Variants in CYFIP2 observed in about 807,000 individuals in gnomAD.
CYFIP2 encodes cytoplasmic FMR1-interacting protein 2.
Under a neutral mutation model 158.7 loss-of-function variants are expected in CYFIP2, and 29 were observed. That is an observed-to-expected ratio of 0.18 (90% CI 0.14 to 0.25). The LOEUF is 0.25. CYFIP2 is among the 10% of genes least tolerant of loss of function. CYFIP2 has a pLI of 1.00. For missense variants in CYFIP2, 852 were observed against 1,639.5 expected (o/e 0.52, Z 8.29); for synonymous variants, 585 against 617.6 (o/e 0.95, Z 0.78).
At chr5:157,392,784 C>A in intron 30 of CYFIP2, 49 bp from the exon 31 acceptor site, 1 of 1,594,554 alleles carries the variant, frequency 6.3e-7, no homozygotes, top group Non-Finnish European at 8.6e-7. Flanking sequence ...TCCCTCTTTC[C>A]ACCCCCACTT....
chr5:157,274,435 T>C (rs1471295741), intron 1 of CYFIP2, among the ~76,000 whole-genome samples: 1 of 152,234 alleles, frequency 6.6e-6, no homozygotes, highest in Non-Finnish European at 1.5e-5. Context: ...TTTTTATGGC[T>C]GAAAAATACT....
intron 29 of CYFIP2, 74 bp downstream of exon 29, chr5:157,389,501 T>A (rs1767051946): frequency 7.2e-7 from 1 of 1,389,906 alleles, no homozygotes. Flanking sequence ...GCTGCCAGAG[T>A]TCAGCCAGAA....
intron 20 of CYFIP2, among the ~76,000 whole-genome samples, chr5:157,331,393 T>C (rs1362828656): frequency 6.7e-6 from 1 of 149,250 alleles, no homozygotes; most frequent in Non-Finnish European, 1.5e-5. Flanking sequence ...GCATAAGAGA[T>C]GCCCCAGCAG....
intron 28 of CYFIP2, among the ~76,000 whole-genome samples, chr5:157,387,601 C>T (rs770696872): frequency 3.9e-5 from 6 of 152,232 alleles, no homozygotes; most frequent in Non-Finnish European, 7.4e-5. Flanking sequence ...AATGGGGAGC[C>T]CTTTCTGGGG....
At chr5:157,387,096 T>C (rs1766776342) in intron 28 of CYFIP2, among the ~76,000 whole-genome samples, 1 of 152,168 alleles carries the variant, frequency 6.6e-6, no homozygotes. Context: ...GTTACTGATA[T>C]ATTAAGAAAA....
chr5:157,340,387 A>G (rs1421328063), intron 22 of CYFIP2, among the ~76,000 whole-genome samples: 1 of 152,260 alleles, frequency 6.6e-6, no homozygotes, highest in Non-Finnish European at 1.5e-5. Flanking sequence ...TTCCAGTTCT[A>G]TAAAGATTTA....
chr5:157,294,389 C>A (rs1758081121), intron 3 of CYFIP2, among the ~76,000 whole-genome samples: 1 of 152,194 alleles, frequency 6.6e-6, no homozygotes, highest in East Asian at 1.9e-4. Context: ...AATATACTTT[C>A]ATAACTATTT....
rs557529287 is a variant in CYFIP2 at position 157,381,969 on chromosome 5, GACC to G, written c.3040-620_3040-618del. Among the ~76,000 whole-genome samples the G allele has an allele frequency of 1.8e-3, 277 of 151,568 alleles. 1 individual carries two copies. Among genetic ancestry groups the G allele is most frequent in the African/African-American group, 6.4e-3 (267 of 41,532 alleles). On this transcript the variant is annotated intron_variant, in intron 26 of 30. Transcript: ENST00000620254. ...ATGTCCCAGGACAGTAAGCCCATGA[GACC>G]CTATCTCCCGTCTTGCCCTAACCAA...
At chr5:157,306,416 A>G (rs1759226107) in intron 8 of CYFIP2, among the ~76,000 whole-genome samples, 1 of 152,072 alleles carries the variant, frequency 6.6e-6, no homozygotes, top group Admixed American at 6.6e-5. Context: ...CGGCCTTCAA[A>G]TTCTCCAGCC....
chr5:157,338,111 G>A (rs768000868), intron 21 of CYFIP2, among the ~76,000 whole-genome samples: 2 of 152,212 alleles, frequency 1.3e-5, no homozygotes, highest in Non-Finnish European at 1.5e-5. Flanking sequence ...TGGCGGGGAA[G>A]TTGCAGGACA....
chr5:157,330,273 TGTGTGTG>T (rs1449097251), intron 19 of CYFIP2, among the ~76,000 whole-genome samples: 6 of 151,656 alleles, frequency 4.0e-5, no homozygotes, highest in African/African-American at 1.5e-4. Flanking sequence ...TGTGTGTGTG[TGTGTGTG>T]TGTGTTTGTG....
At chr5:157,340,134 G>A (rs1007223711) in intron 22 of CYFIP2, among the ~76,000 whole-genome samples, 2 of 152,246 alleles carry the variant, frequency 1.3e-5, no homozygotes, top group Non-Finnish European at 2.9e-5. Context: ...CACTGAGGTA[G>A]AGACAAGACC....
In CYFIP2 at chr5:157,359,312, T is replaced by C. The variant is rs138379152; in HGVS notation, c.2817+164T>C. Among the ~76,000 whole-genome samples, 129 of 152,288 alleles carry C rather than the reference T, an allele frequency of 8.5e-4. 1 individual carries two copies. Among genetic ancestry groups the C allele is most frequent in the African/African-American group, 2.9e-3 (122 of 41,544 alleles). On this transcript the variant is annotated intron_variant, in intron 24 of 30. Transcript: ENST00000620254. Reference sequence around the variant, plus strand: ...TCCCTTGCCCATATCCCTGGATTGGTCTTACCTATCATTCTGTTACATTTC... The same window carrying C: ...TCCCTTGCCCATATCCCTGGATTGGCCTTACCTATCATTCTGTTACATTTC...
rs1762420609 is a variant in CYFIP2, at chr5:157,343,228, T to C, written c.2673+2071T>C. ...AGATCTGGGGGTCTACCAGGGAGCT[T>C]CCAGGAGCCAGCGGACTCTTATCCA... On this transcript the variant is annotated intron_variant, in intron 23 of 30. Coordinates refer to ENST00000620254, the MANE Select transcript of CYFIP2 (RefSeq NM_001037333.3). 3.1e-6 allele frequency: 5 copies of C among 1,614,154 alleles called. No individual in the cohort carries two copies. The East Asian group carries it at 1.1e-4, about 36-fold the overall frequency.
At chr5:157,386,256 C>A (rs1766673678) in intron 28 of CYFIP2, among the ~76,000 whole-genome samples, 1 of 152,102 alleles carries the variant, frequency 6.6e-6, no homozygotes, top group African/African-American at 2.4e-5. Context: ...CTTTGCCTGT[C>A]ACCCAAGCTG....
chr5:157,353,119 G>A (rs1442280057), intron 23 of CYFIP2, among the ~76,000 whole-genome samples: 6 of 152,294 alleles, frequency 3.9e-5, no homozygotes, highest in African/African-American at 4.8e-5. Flanking sequence ...GCTGTTGTTC[G>A]AAGCCACCAA....
intron 1 of CYFIP2, among the ~76,000 whole-genome samples, chr5:157,270,020 G>A (rs1429645615): frequency 5.9e-5 from 9 of 152,242 alleles, no homozygotes; most frequent in Non-Finnish European, 1.0e-4. Context: ...GTTTTGAGAA[G>A]GCAGAGCTTG....
At chr5:157,322,874 C>G in intron 15 of CYFIP2, 2 of 1,416,656 alleles carry the variant, frequency 1.4e-6, no homozygotes, top group Non-Finnish European at 1.9e-6. Flanking sequence ...CTCTCTTTCT[C>G]TCTCTCCCTC....
chr5:157,378,218 G>T (rs964713331), intron 26 of CYFIP2, among the ~76,000 whole-genome samples: 1 of 152,170 alleles, frequency 6.6e-6, no homozygotes, highest in Non-Finnish European at 1.5e-5. Context: ...CATCTGCAAA[G>T]AAATTATTTA....
Sources: allele counts gnomAD v4.1 joint callset (sites outside exome capture counted in the v4.1 genomes callset), GRCh38; gene constraint gnomAD v4.1.1; transcripts MANE v1.5; gene names NCBI Gene and HGNC (gene_info 2026-07-23, HGNC 2026-07-21).